The following FAM184A variants were observed in gnomAD, a reference collection of about 807,000 sequenced individuals.
FAM184A encodes the protein protein FAM184A.
Under a neutral mutation model 143.8 loss-of-function variants are expected in FAM184A, and 99 were observed. The ratio of observed to expected loss-of-function variants is 0.69; its 90% CI spans 0.58 to 0.81. The LOEUF (loss-of-function observed/expected upper bound fraction) is 0.81, where lower values mean the gene tolerates loss of function less well. Among genes scored for constraint, FAM184A ranks in the 40% least tolerant of loss-of-function variants. The pLI, the probability that FAM184A is intolerant of heterozygous loss-of-function variation, is 0.00. For missense variants in FAM184A, 1,217 were observed against 1,310.5 expected, an observed-to-expected ratio of 0.93 and a Z score of 1.10; for synonymous variants, 427 against 446.4, an observed-to-expected ratio of 0.96 and a Z score of 0.55.
chr6:118,964,320 G>A (rs941297653), intron 16 of FAM184A, among the ~76,000 whole-genome samples: 4 of 152,050 alleles, frequency 2.6e-5, no homozygotes, highest in Admixed American at 1.3e-4. Context: ...GGGTATCCAG[G>A]GCTGGAGTCT....
chr6:119,148,306 A>C (rs994409963), intron 1 of FAM184A, among the ~76,000 whole-genome samples: 3 of 152,172 alleles, frequency 2.0e-5, no homozygotes, highest in East Asian at 1.9e-4. Flanking sequence ...TGACCAGGGA[A>C]GACTGTAACT....
In FAM184A at chr6:119,057,418, A is replaced by G. The variant is rs17080796; in HGVS notation, c.159+20723T>C. Reference sequence around the variant, plus strand: ...GGACTGAGGAAAAGCAACCCTGTTAATTTAGAGATTCTACATTTGTGTTTA... The same window carrying G: ...GGACTGAGGAAAAGCAACCCTGTTAGTTTAGAGATTCTACATTTGTGTTTA... On this transcript the variant is annotated intron_variant, in intron 1 of 17. Transcript: ENST00000338891. Among the ~76,000 whole-genome samples the G allele has an allele frequency of 8.6e-3, 1,305 of 152,312 alleles. 15 individuals carry two copies. Among genetic ancestry groups the G allele is most frequent in the African/African-American group, 0.03 (1,227 of 41,562 alleles).
chr6:119,023,620 C>T (rs1040963858), intron 2 of FAM184A, among the ~76,000 whole-genome samples: 2 of 130,500 alleles, frequency 1.5e-5, no homozygotes, highest in African/African-American at 5.5e-5. Flanking sequence ...TTTCTAACAC[C>T]TGGCCTGAAG....
intron 1 of FAM184A, among the ~76,000 whole-genome samples, chr6:119,115,263 A>G (rs962866717): frequency 4.6e-5 from 7 of 152,228 alleles, no homozygotes; most frequent in Non-Finnish European, 8.8e-5. Context: ...TTCAATAACC[A>G]TTTATTAATT....
chr6:118,992,669 G>C (rs1784415133), intron 9 of FAM184A, among the ~76,000 whole-genome samples: 1 of 152,198 alleles, frequency 6.6e-6, no homozygotes, highest in Non-Finnish European at 1.5e-5. Flanking sequence ...AGTGGCTCAT[G>C]TAATCCCAGC....
chr6:119,020,128 C>A lies in FAM184A; in HGVS notation c.1182G>T (p.Met394Ile). 1 of 1,598,906 alleles carries A rather than the reference C, an allele frequency of 6.3e-7. No individual in the cohort carries two copies. The highest frequency in any genetic ancestry group is 1.1e-5 in the South Asian group (1 of 87,160). ...AATCTTTAATTGTAACTTCCTGGGT[C>A]ATTTGAGTTGCTTGAAGCATTCCAA... ...SHIGMLQATQMTQEVTIKDLE... is the reference protein window; with the variant it reads ...SHIGMLQATQITQEVTIKDLE... The change falls in exon 4 of 18, where the codon ATG (methionine) becomes ATT (isoleucine). Residue 394 changes from methionine to isoleucine, a missense_variant. By Grantham distance (10) the Met-to-Ile change is conservative. Coordinates refer to ENST00000338891, the MANE Select transcript of FAM184A (RefSeq NM_024581.6).
At chr6:118,970,016 T>A (rs1377248710) in intron 14 of FAM184A, among the ~76,000 whole-genome samples, 1 of 18,926 alleles carries the variant, frequency 5.3e-5, no homozygotes, top group Non-Finnish European at 1.1e-4. Flanking sequence ...ATATTTTTTT[T>A]TTTTTGAGAT....
intron 1 of FAM184A, among the ~76,000 whole-genome samples, chr6:119,090,056 T>C (rs767229736): frequency 6.6e-6 from 1 of 152,352 alleles, no homozygotes; most frequent in Non-Finnish European, 1.5e-5. Context: ...TCTATGAATA[T>C]CACAATCAAC....
intron 1 of FAM184A, among the ~76,000 whole-genome samples, chr6:119,135,075 A>G (rs1000954040): frequency 1.3e-5 from 2 of 152,242 alleles, no homozygotes; most frequent in Admixed American, 6.5e-5. Context: ...CTTACTCTTA[A>G]GAACAAAAAG....
intron 1 of FAM184A, among the ~76,000 whole-genome samples, chr6:119,111,108 G>A (rs953257062): frequency 1.3e-5 from 2 of 152,120 alleles, no homozygotes; most frequent in African/African-American, 4.8e-5. Flanking sequence ...AAAAGTCAAA[G>A]CATGGAAGCA....
At chr6:119,107,270 A>G (rs1404993501) in intron 1 of FAM184A, among the ~76,000 whole-genome samples, 2 of 152,294 alleles carry the variant, frequency 1.3e-5, no homozygotes, top group South Asian at 2.1e-4. Context: ...TATGTTTACT[A>G]ATATTATCAA....
intron 1 of FAM184A, among the ~76,000 whole-genome samples, chr6:119,044,558 G>T (rs1355369763): frequency 6.6e-6 from 1 of 150,956 alleles, no homozygotes; most frequent in Non-Finnish European, 1.5e-5. Flanking sequence ...ATTTCAGCCT[G>T]GGTAACAAAG....
At chr6:119,013,424 G>A (rs1785146765) in intron 5 of FAM184A, among the ~76,000 whole-genome samples, 1 of 152,208 alleles carries the variant, frequency 6.6e-6, no homozygotes, top group Admixed American at 6.5e-5. Flanking sequence ...AGTGGCTACA[G>A]TGAAAATGAA....
At chr6:119,001,545 G>A (rs1283559544) in intron 9 of FAM184A, among the ~76,000 whole-genome samples, 2 of 151,922 alleles carry the variant, frequency 1.3e-5, no homozygotes, top group African/African-American at 2.4e-5. Context: ...AAGAACTGCA[G>A]AATAGACACC....
intron 1 of FAM184A, among the ~76,000 whole-genome samples, chr6:119,094,891 A>G (rs865966661): frequency 3.9e-5 from 6 of 152,040 alleles, no homozygotes; most frequent in South Asian, 2.1e-4. Flanking sequence ...AAAAGAGGGG[A>G]GGCTGAACAA....
At chr6:119,093,863 G>C (rs1788434791) in intron 1 of FAM184A, among the ~76,000 whole-genome samples, 1 of 152,128 alleles carries the variant, frequency 6.6e-6, no homozygotes, top group South Asian at 2.1e-4. Flanking sequence ...CTTTAGCATA[G>C]ATCTTTAGCG....
chr6:119,028,216 T>C (rs1298421779), intron 1 of FAM184A, among the ~76,000 whole-genome samples: 1 of 152,196 alleles, frequency 6.6e-6, no homozygotes, highest in Non-Finnish European at 1.5e-5. Context: ...CAACTTTCTG[T>C]CACTGCAAAA....
intron 1 of FAM184A, among the ~76,000 whole-genome samples, chr6:119,074,287 C>A (rs1190740057): frequency 4.6e-5 from 7 of 152,136 alleles, no homozygotes; most frequent in Admixed American, 3.9e-4. Context: ...AGTAGAAAAA[C>A]CAGGTAAGAA....
At chr6:118,985,406 A>G (rs1321635866) in intron 9 of FAM184A, among the ~76,000 whole-genome samples, 3 of 152,214 alleles carry the variant, frequency 2.0e-5, no homozygotes, top group African/African-American at 4.8e-5. Context: ...TCAACTTTAT[A>G]TATCTTCCAA....
Sources: gnomAD v4.1 joint callset for allele counts (sites outside exome capture counted in the v4.1 genomes callset) on GRCh38, gnomAD v4.1.1 for gene constraint, MANE v1.5 for transcripts, NCBI Gene and HGNC (gene_info 2026-07-23, HGNC 2026-07-21) for gene names.